Variants in USP8 observed in about 807,000 individuals in gnomAD.
The protein encoded by USP8 is ubiquitin specific peptidase 8.
Under a neutral mutation model 130.0 loss-of-function variants are expected in USP8, and 27 were observed. The ratio of observed to expected loss-of-function variants is 0.21; its 90% CI spans 0.15 to 0.29. The LOEUF is 0.29. Among genes scored for constraint, USP8 ranks in the 10% least tolerant of loss-of-function variants. The pLI, the probability that USP8 is intolerant of heterozygous loss-of-function variation, is 1.00. For missense variants in USP8, 1,029 were observed against 1,312.2 expected (o/e 0.78, Z 3.33); for synonymous variants, 392 against 444.1 (o/e 0.88, Z 1.48).
intron 16 of USP8, among the ~76,000 whole-genome samples, chr15:50,495,591 C>G (rs1437127364): frequency 6.6e-6 from 1 of 152,024 alleles, no homozygotes; most frequent in African/African-American, 2.4e-5. Flanking sequence ...CATGAACCAC[C>G]ACATCTGGCC....
chr15:50,489,108 G>GT (rs918014627), intron 12 of USP8, among the ~76,000 whole-genome samples: 4 of 152,276 alleles, frequency 2.6e-5, no homozygotes, highest in African/African-American at 9.6e-5. Context: ...TTTAAAGGAA[G>GT]TGGAAGTATC....
intron 8 of USP8, among the ~76,000 whole-genome samples, chr15:50,472,460 A>G (rs754075117): frequency 5.3e-5 from 8 of 151,538 alleles, no homozygotes; most frequent in Non-Finnish European, 1.2e-4. Context: ...AGCCGGGCGC[A>G]GTGGCGGGGG....
rs1265116069 is a variant in USP8 at position 50,481,862 on chromosome 15, A to G, written c.1600A>G (p.Lys534Glu). The change falls in exon 11 of 20, where the codon AAG (lysine) becomes GAG (glutamate). Residue 534 changes from lysine to glutamate, a missense_variant. Coordinates refer to ENST00000307179, the MANE Select transcript of USP8 (RefSeq NM_005154.5). ...EMEKKESEQA[K>E]KEDKETSAKR... ...GGAGAAGAAAGAAAGTGAACAGGCC[A>G]AGAAAGAAGATAAAGAAACCTCAGC... 1.4e-5 allele frequency: 22 copies of G among 1,545,498 alleles called. No individual in the cohort carries two copies. The highest frequency in any genetic ancestry group is 1.8e-5 in the Non-Finnish European group (21 of 1,151,280).
Position 50,513,829 on chromosome 15 carries a change from T to C in USP8, c.*14741T>C, listed in dbSNP as rs1253526424. 6.6e-6 allele frequency: 1 copy of C among 152,202 alleles called. No individual in the cohort carries two copies. Among genetic ancestry groups the C allele is most frequent in the Non-Finnish European group, 1.5e-5 (1 of 68,046 alleles). The allele number at this position is 152,202 out of a possible 1,614,324, so 9.4% of individuals were successfully genotyped here. ...CAGTCATTGCTGGTGGGGGTATGAATTGGTACAGTCGCTTTGGAAAGCTAC... is the reference window on the plus strand; with the variant it reads ...CAGTCATTGCTGGTGGGGGTATGAACTGGTACAGTCGCTTTGGAAAGCTAC... On this transcript the variant is annotated 3_prime_UTR_variant, in exon 20 of 20. Coordinates refer to ENST00000307179, the MANE Select transcript of USP8 (RefSeq NM_005154.5).
chr15:50,449,540 A>T, intron 4 of USP8, 55 bp downstream of exon 4: 5 of 1,254,202 alleles, frequency 4.0e-6, no homozygotes, highest in Non-Finnish European at 5.4e-6. Flanking sequence ...TAAAAATAAT[A>T]TTTAAGATTT....
intron 12 of USP8, among the ~76,000 whole-genome samples, chr15:50,488,893 A>T (rs998399333): frequency 6.6e-6 from 1 of 151,472 alleles, no homozygotes; most frequent in African/African-American, 2.4e-5. Flanking sequence ...AATTTTAAAA[A>T]TTTTTTTATA....
intron 14 of USP8, 108 bp from the exon 15 acceptor site, chr15:50,492,593 C>G: frequency 1.9e-6 from 2 of 1,059,224 alleles, no homozygotes; most frequent in South Asian, 1.6e-5. Context: ...TAACTGTTTA[C>G]AAGATGCCTG....
chr15:50,460,899 G>A (rs1335790143), intron 5 of USP8, among the ~76,000 whole-genome samples: 4 of 151,980 alleles, frequency 2.6e-5, no homozygotes, highest in African/African-American at 9.7e-5. Flanking sequence ...GCTCACACCT[G>A]TAATCCCAGC....
intron 7 of USP8, among the ~76,000 whole-genome samples, chr15:50,468,866 A>G (rs1336932873): frequency 1.3e-5 from 2 of 152,064 alleles, no homozygotes; most frequent in African/African-American, 4.8e-5. Flanking sequence ...CATTAACTGA[A>G]TGCACCCACT....
chr15:50,477,304 A>C lies in USP8; in HGVS notation c.1023A>C (p.Glu341Asp), dbSNP rs779640512. 8 of 1,613,116 alleles carry C rather than the reference A, an allele frequency of 5.0e-6. No homozygotes were observed. In the East Asian group the frequency reaches 1.6e-4, roughly 31 times the overall value. ...SLDFTYPSLE[E>D]SIPSKPAAQT... ...ATTTTACTTATCCCTCATTGGAAGA[A>C]TCAATTCCTTCTAAACCTGCTGCCC... Residue 341 changes from glutamate to aspartate, a missense_variant, in exon 10 of 20, where the codon GAA becomes GAC. Around this residue, in one of 4 missense-constraint regions of USP8, gnomAD observed 486 missense variants for 522.0 expected, o/e 0.93. Coordinates refer to ENST00000307179, the MANE Select transcript of USP8 (RefSeq NM_005154.5).
intron 12 of USP8, 126 bp from the exon 13 acceptor site, chr15:50,489,675 G>A (rs922674844): frequency 1.0e-5 from 5 of 498,566 alleles, no homozygotes; most frequent in Non-Finnish European, 1.6e-5. Context: ...AATATGAAGG[G>A]CAGCCAAGGC....
rs933509321 is a variant in USP8, at chr15:50,501,818, A to G, written c.*2730A>G. ...TTTTTGTAAGACCCATGCATTAGCA[A>G]CGGGTTTTAAATTTTTATATGGTTG... is the stretch of plus-strand genomic sequence containing the variant. On this transcript the variant is annotated 3_prime_UTR_variant, in exon 20 of 20. Transcript: ENST00000307179. The G allele has an allele frequency of 6.6e-6, 1 of 152,174 alleles. No individual in the cohort carries two copies. The highest frequency in any genetic ancestry group is 1.5e-5 in the Non-Finnish European group (1 of 68,032). 9.4% of individuals were successfully genotyped at this position (152,174 alleles called of 1,614,324 possible).
Position 50,500,882 on chromosome 15 carries a change from C to G in USP8, c.*1794C>G, listed in dbSNP as rs373978414. The G allele has an allele frequency of 2.8e-5, 41 of 1,446,892 alleles. No homozygotes were observed. Among genetic ancestry groups the G allele is most frequent in the Non-Finnish European group, 6.7e-6 (7 of 1,050,734 alleles). The allele number at this position is 1,446,892 out of a possible 1,614,324, so 89.6% of individuals were successfully genotyped here. ...CAAACTTAGTATTCACATATGAACA[C>G]TAACTACTGGAACAGAAATGATAGG... On this transcript the variant is annotated 3_prime_UTR_variant, in exon 20 of 20. Transcript: ENST00000307179.
At chr15:50,434,700 T>G (rs1204419597) in intron 1 of USP8, among the ~76,000 whole-genome samples, 1 of 152,026 alleles carries the variant, frequency 6.6e-6, no homozygotes, top group Admixed American at 6.6e-5. Context: ...CACTGCAACC[T>G]CCACCTCCTG....
chr15:50,496,963 G>C (rs2052438381), intron 17 of USP8, 126 bp from the exon 18 acceptor site: 2 of 1,234,922 alleles, frequency 1.6e-6, no homozygotes, highest in Non-Finnish European at 2.2e-6. Context: ...TGGGAAGGCA[G>C]GAACTCTTTT....
chr15:50,507,062 C>T lies in USP8; in HGVS notation c.*7974C>T, dbSNP rs1224702439. 1.3e-5 allele frequency: 2 copies of T among 151,490 alleles called. No homozygotes were observed. Among genetic ancestry groups the T allele is most frequent in the Non-Finnish European group, 2.9e-5 (2 of 68,138 alleles). 9.4% of individuals were successfully genotyped at this position (151,490 alleles called of 1,614,324 possible). A position where few individuals can be genotyped will look rare whatever the true frequency, so the allele number is the denominator to read the frequency against. On this transcript the variant is annotated 3_prime_UTR_variant, in exon 20 of 20. Coordinates refer to ENST00000307179, the MANE Select transcript of USP8 (RefSeq NM_005154.5). ...CTTTGGGAGGCCAAGGCAGGCGGAT[C>T]ACCTGAGATCAGGAGTTCCAGACCA...
intron 1 of USP8, among the ~76,000 whole-genome samples, chr15:50,428,052 C>T (rs2049803205): frequency 6.6e-6 from 1 of 151,916 alleles, no homozygotes; most frequent in Non-Finnish European, 1.5e-5. Flanking sequence ...TAAAACAGTT[C>T]TCATGTATAG....
At chr15:50,498,523 C>G (rs1226900088) in intron 18 of USP8, 73 bp from the exon 19 acceptor site, 1 of 1,470,816 alleles carries the variant, frequency 6.8e-7, no homozygotes, top group East Asian at 2.4e-5. Context: ...GGCTAAAAAT[C>G]TAGATGTTAA....
intron 1 of USP8, among the ~76,000 whole-genome samples, chr15:50,436,476 A>G (rs890064868): frequency 6.6e-6 from 1 of 152,080 alleles, no homozygotes; most frequent in Non-Finnish European, 1.5e-5. Flanking sequence ...TCTCTTCCAC[A>G]TTAGTTTTTT....
Sources: allele counts gnomAD v4.1 joint callset (sites outside exome capture counted in the v4.1 genomes callset), GRCh38; gene constraint gnomAD v4.1.1; regional missense constraint gnomAD v4.1.1; transcripts MANE v1.5; gene names NCBI Gene and HGNC (gene_info 2026-07-23, HGNC 2026-07-21).